Variants in LRP1B observed in about 807,000 individuals in gnomAD.
LRP1B encodes the protein low-density lipoprotein receptor-related protein 1B.
A neutral mutation model predicts 556.6 loss-of-function variants in LRP1B; 217 were observed. That is an observed-to-expected ratio of 0.39 (90% confidence interval 0.35 to 0.44). The LOEUF is 0.44. Ranked by LOEUF, LRP1B falls within the 20% of genes least tolerant of loss-of-function variation. The pLI is 1.00. For synonymous variants in LRP1B, 2,047 were observed against 1,865.8 expected (o/e 1.10, Z -2.50); for missense variants, 5,053 against 5,620.8 (o/e 0.90, Z 3.23).
intron 7 of LRP1B, among the ~76,000 whole-genome samples, chr2:141,179,133 A>T (rs1430072058): frequency 3.9e-5 from 6 of 152,148 alleles, no homozygotes; most frequent in South Asian, 2.1e-4. Context: ...TACAATAATT[A>T]AAAAAACAGA....
intron 3 of LRP1B, among the ~76,000 whole-genome samples, chr2:141,394,310 C>T (rs1391936834): frequency 6.6e-6 from 1 of 151,924 alleles, no homozygotes; most frequent in Non-Finnish European, 1.5e-5. Context: ...CCATTTTAGT[C>T]TTAAGAGATT....
chr2:141,014,785 C>T (rs976764481), intron 13 of LRP1B, among the ~76,000 whole-genome samples: 1 of 152,048 alleles, frequency 6.6e-6, no homozygotes, highest in African/African-American at 2.4e-5. Flanking sequence ...AAAGATTTAT[C>T]TAGCACCTGT....
chr2:141,283,488 T>C (rs970743341), intron 3 of LRP1B, among the ~76,000 whole-genome samples: 1 of 151,860 alleles, frequency 6.6e-6, no homozygotes, highest in African/African-American at 2.4e-5. Flanking sequence ...GTTAAGGAGT[T>C]TAGAAATTAC....
rs577491351 is a variant in LRP1B at position 142,018,678 on chromosome 2, T to C, written c.82+111970A>G. 6.2e-4 allele frequency among the ~76,000 whole-genome samples: 95 copies of C among 152,264 alleles called. 2 individuals carry two copies. In the South Asian group the frequency reaches 0.019, roughly 31 times the overall value. ...TGCAAAGTCTACATGAGTTAGACTT[T>C]TATCCATCTCAAAAATGTGCCCATG... On this transcript the variant is annotated intron_variant, in intron 1 of 90. Transcript: ENST00000389484.
At chr2:140,729,939 C>A (rs922506200) in intron 35 of LRP1B, among the ~76,000 whole-genome samples, 1 of 152,024 alleles carries the variant, frequency 6.6e-6, no homozygotes, top group African/African-American at 2.4e-5. Context: ...ATCAGAGCTG[C>A]CCTCAATCTT....
At position 140,716,791 on chromosome 2, in the gene LRP1B, G is replaced by A. The variant is rs774898313; in HGVS notation, c.5784C>T (p.Asp1928=). 2 of 1,604,526 alleles carry A rather than the reference G, an allele frequency of 1.2e-6. No homozygotes were observed. The highest frequency in any genetic ancestry group is 2.2e-5 in the East Asian group (1 of 44,714). The change falls in exon 36 of 91, where the codon GAC becomes GAT. Residue 1928 remains aspartate (D), a synonymous_variant. Coordinates refer to ENST00000389484, the MANE Select transcript of LRP1B (RefSeq NM_018557.3). The part of the protein sequence containing the change: ...HAENDTIYWT[D]MGFNKISRAK... ...CTCTGCTAATTTTATTGAAGCCCAT[G>A]TCTGTCCAGTAGATGGTATCATTTT...
chr2:141,306,918 A>G (rs2105441061), intron 3 of LRP1B, among the ~76,000 whole-genome samples: 1 of 152,170 alleles, frequency 6.6e-6, no homozygotes, highest in East Asian at 1.9e-4. Context: ...TCAGTTTCCA[A>G]AGTTCCACTT....
At chr2:140,914,408 G>A (rs1201419756) in intron 21 of LRP1B, among the ~76,000 whole-genome samples, 1 of 152,074 alleles carries the variant, frequency 6.6e-6, no homozygotes, top group Non-Finnish European at 1.5e-5. Context: ...AGCATACAGG[G>A]GATTACATAT....
rs527668364 is a variant in LRP1B, at chr2:140,975,561, A to C, written c.2887+6599T>G. The stretch of plus-strand genomic sequence containing the variant: ...AGCAATGAGGGAGGAGAAAGCTTTG[A>C]CTAAGATATAATATTGGTGTTTCAA... On this transcript the variant is annotated intron_variant, in intron 18 of 90. Transcript: ENST00000389484. 2.6e-5 allele frequency among the ~76,000 whole-genome samples: 4 copies of C among 152,314 alleles called. No homozygotes were observed. The South Asian group carries it at 8.3e-4, about 32-fold the overall frequency.
At chr2:142,070,743 A>G (rs1705283090) in intron 1 of LRP1B, among the ~76,000 whole-genome samples, 1 of 151,968 alleles carries the variant, frequency 6.6e-6, no homozygotes, top group African/African-American at 2.4e-5. Context: ...ATCTGAAACC[A>G]GGCAAACTAA....
At chr2:141,853,791 A>T (rs917436642) in intron 1 of LRP1B, among the ~76,000 whole-genome samples, 5 of 152,038 alleles carry the variant, frequency 3.3e-5, no homozygotes, top group Admixed American at 6.6e-5. Flanking sequence ...ATTATCCAAC[A>T]AACATAAAGT....
At chr2:140,725,600 G>T (rs1387959577) in intron 35 of LRP1B, among the ~76,000 whole-genome samples, 1 of 150,010 alleles carries the variant, frequency 6.7e-6, no homozygotes, top group African/African-American at 2.5e-5. Context: ...CGAGTTAATG[G>T]GTGCAGCACA....
chr2:140,692,090 A>C (rs1686263570), intron 41 of LRP1B, among the ~76,000 whole-genome samples: 1 of 152,100 alleles, frequency 6.6e-6, no homozygotes, highest in African/African-American at 2.4e-5. Flanking sequence ...AAGTTTCAAA[A>C]ATTAGTACAG....
At chr2:140,919,085 T>C (rs1694664670) in intron 21 of LRP1B, among the ~76,000 whole-genome samples, 1 of 152,056 alleles carries the variant, frequency 6.6e-6, no homozygotes, top group Non-Finnish European at 1.5e-5. Flanking sequence ...ATATAGCTTA[T>C]TTTCATTTAG....
chr2:140,363,206 G>T (rs1288380841), intron 72 of LRP1B, among the ~76,000 whole-genome samples: 1 of 151,508 alleles, frequency 6.6e-6, no homozygotes, highest in African/African-American at 2.4e-5. Flanking sequence ...GAACCCTTTT[G>T]TTGTCCTAAT....
At chr2:141,372,668 C>T (rs1689273017) in intron 3 of LRP1B, among the ~76,000 whole-genome samples, 1 of 152,020 alleles carries the variant, frequency 6.6e-6, no homozygotes, top group Non-Finnish European at 1.5e-5. Context: ...TGTGAGCATA[C>T]AGATGTTCAT....
intron 40 of LRP1B, 95 bp from the exon 41 acceptor site, chr2:140,700,716 G>T: frequency 7.9e-7 from 1 of 1,263,424 alleles, no homozygotes; most frequent in Non-Finnish European, 1.1e-6. Flanking sequence ...AAACTTTGAT[G>T]TTGAATATTC....
intron 3 of LRP1B, among the ~76,000 whole-genome samples, chr2:141,361,433 G>A (rs1191373222): frequency 6.6e-6 from 1 of 151,988 alleles, no homozygotes; most frequent in Non-Finnish European, 1.5e-5. Context: ...AAGGAGATAT[G>A]CTGTTATACA....
At chr2:141,807,397 G>A (rs1398883438) in intron 2 of LRP1B, among the ~76,000 whole-genome samples, 2 of 151,946 alleles carry the variant, frequency 1.3e-5, no homozygotes, top group South Asian at 2.1e-4. Context: ...ACAAAAAATA[G>A]TTATTTCTCT....
Sources: allele counts gnomAD v4.1 joint callset (sites outside exome capture counted in the v4.1 genomes callset), GRCh38; gene constraint gnomAD v4.1.1; transcripts MANE v1.5; gene names NCBI Gene and HGNC (gene_info 2026-07-23, HGNC 2026-07-21).